The following DEDD2 variants were observed in gnomAD, a reference collection of about 807,000 sequenced individuals.
The protein encoded by DEDD2 is DNA-binding death effector domain-containing protein 2.
A neutral mutation model predicts 28.9 loss-of-function variants in DEDD2; 18 were observed. The ratio of observed to expected loss-of-function variants is 0.62; its 90% CI spans 0.43 to 0.92. The LOEUF is 0.92. DEDD2 is among the 40% of genes least tolerant of loss of function. The pLI is 0.00. For missense variants in DEDD2, 411 were observed against 463.3 expected, an observed-to-expected ratio of 0.89 and a Z score of 1.04; for synonymous variants, 211 against 206.1, an observed-to-expected ratio of 1.02 and a Z score of -0.20.
At chr19:42,205,194 T>C (rs2035482656) in intron 4 of DEDD2, among the ~76,000 whole-genome samples, 1 of 151,842 alleles carries the variant, frequency 6.6e-6, no homozygotes, top group South Asian at 2.1e-4. Flanking sequence ...TTTAGAAAAA[T>C]ACAACGCAAG....
intron 4 of DEDD2, among the ~76,000 whole-genome samples, chr19:42,200,271 G>T (rs1370842805): frequency 6.6e-6 from 1 of 152,162 alleles, no homozygotes; most frequent in Non-Finnish European, 1.5e-5. Flanking sequence ...GTTACTATCT[G>T]CTCATTATCT....
intron 3 of DEDD2, among the ~76,000 whole-genome samples, chr19:42,210,094 C>T (rs1455581183): frequency 2.0e-5 from 3 of 152,054 alleles, no homozygotes; most frequent in Non-Finnish European, 2.9e-5. Context: ...AATCCCTGCA[C>T]ACTTACACCA....
intron 4 of DEDD2, chr19:42,202,219 A>G (rs979440385): frequency 7.6e-6 from 3 of 396,386 alleles, no homozygotes; most frequent in Non-Finnish European, 8.9e-6. Flanking sequence ...AACTCCCTAC[A>G]CCCATGGCCC....
chr19:42,205,494 G>C (rs1327414052), intron 4 of DEDD2, among the ~76,000 whole-genome samples: 2 of 152,100 alleles, frequency 1.3e-5, no homozygotes, highest in African/African-American at 4.8e-5. Context: ...GGGTGTGGTA[G>C]CACATGCCTG....
chr19:42,202,398 T>C (rs1477375744), intron 4 of DEDD2, among the ~76,000 whole-genome samples: 1 of 152,132 alleles, frequency 6.6e-6, no homozygotes, highest in African/African-American at 2.4e-5. Flanking sequence ...TCCAGAACAT[T>C]TGCCAAGGCT....
rs370236323 is a variant in DEDD2, at chr19:42,216,999, T to C, written c.9A>G (p.Leu3=). Reference sequence around the variant, plus strand: ...AGCACGGGGCCGGGGTCGACCCGGATAGCGCCATTCCCGGGGGAGGGAGGC... The same window carrying C: ...AGCACGGGGCCGGGGTCGACCCGGACAGCGCCATTCCCGGGGGAGGGAGGC... MA[L]SGSTPAPCWE... is the part of the protein sequence containing the mutation. Residue 3 remains leucine, a synonymous_variant, in exon 2 of 5, where the codon CTA becomes CTG. Coordinates refer to ENST00000596251, the MANE Select transcript of DEDD2 (RefSeq NM_133328.4). 279 of 1,586,694 alleles carry C rather than the reference T, an allele frequency of 1.8e-4. No individual in the cohort carries two copies. The highest frequency in any genetic ancestry group is 3.3e-4 in the Middle Eastern group (2 of 6,056).
chr19:42,210,043 G>A (rs1001176754), intron 3 of DEDD2, among the ~76,000 whole-genome samples: 10 of 152,062 alleles, frequency 6.6e-5, no homozygotes, highest in East Asian at 1.9e-4. Flanking sequence ...ACCCCAGCAC[G>A]CTGCAGCAGG....
chr19:42,199,207 A>AG lies in DEDD2; in HGVS notation c.*230dup, dbSNP rs2035222902. On this transcript the variant is annotated 3_prime_UTR_variant, in exon 5 of 5. Transcript: ENST00000596251. The surrounding 1 kb of genome is among the most constrained non-coding windows in gnomAD (Gnocchi z 7.4). Reference sequence around the variant, plus strand: ...GCCCAGCCCCCGCCTCCGGAGGCTAAGGGGGCACACCTGGGGGTAGGAGGA... The same window carrying AG: ...GCCCAGCCCCCGCCTCCGGAGGCTAAGGGGGGCACACCTGGGGGTAGGAGGA... The AG allele has an allele frequency of 4.7e-6, 3 of 631,836 alleles. No homozygotes were observed. Among genetic ancestry groups the AG allele is most frequent in the African/African-American group, 1.8e-5 (1 of 54,578 alleles). 39.1% of individuals were successfully genotyped at this position (631,836 alleles called of 1,614,324 possible). A position where few individuals can be genotyped will look rare whatever the true frequency, so the allele number is the denominator to read the frequency against.
chr19:42,204,550 C>A (rs2035454753), intron 4 of DEDD2: 1 of 155,110 alleles, frequency 6.4e-6, no homozygotes, highest in Admixed American at 6.5e-5. Context: ...CACCCTGCTT[C>A]TTGTACAGCC....
chr19:42,210,891 G>A (rs1020509320), intron 3 of DEDD2, among the ~76,000 whole-genome samples: 1 of 151,578 alleles, frequency 6.6e-6, no homozygotes, highest in East Asian at 2.0e-4. Flanking sequence ...CAACATGGTT[G>A]AAACCCTGTC....
At chr19:42,217,190 A>AGG in intron 1 of DEDD2, 145 bp from the exon 2 acceptor site, 2 of 646,676 alleles carry the variant, frequency 3.1e-6, no homozygotes, top group Non-Finnish European at 5.3e-6. Flanking sequence ...CTCCCCCGGG[A>AGG]GGGAATGGTC....
chr19:42,217,337 G>A (rs1258194119), intron 1 of DEDD2, among the ~76,000 whole-genome samples: 2 of 151,794 alleles, frequency 1.3e-5, no homozygotes, highest in Non-Finnish European at 2.9e-5. Context: ...GGCCCACCCC[G>A]GGGCTCCCTG....
In DEDD2 at chr19:42,216,734, C is replaced by T. The variant is rs780674165; in HGVS notation, c.274G>A (p.Val92Met). 1 of 1,591,236 alleles carries T rather than the reference C, an allele frequency of 6.3e-7. No homozygotes were observed. The highest frequency in any genetic ancestry group is 8.5e-7 in the Non-Finnish European group (1 of 1,171,508). ...GGCAGCAGGTCGTGGCGGGCCAGCA[C>T]GCGCAGGAGTTGCCCCAGCAGCCGC... ...NLRLLGQLLR[V>M]LARHDLLPHL... The change falls in exon 2 of 5, where the codon GTG (valine) becomes ATG (methionine). Residue 92 changes from valine (V) to methionine (M), a missense_variant. Transcript: ENST00000596251.
intron 4 of DEDD2, among the ~76,000 whole-genome samples, chr19:42,209,366 G>GA (rs1218666078): frequency 2.0e-5 from 3 of 152,156 alleles, no homozygotes; most frequent in Admixed American, 6.5e-5. Flanking sequence ...CAGGATCGTT[G>GA]TTTTTTTACC....
At chr19:42,213,759 G>T (rs1209809431) in intron 3 of DEDD2, among the ~76,000 whole-genome samples, 3 of 152,140 alleles carry the variant, frequency 2.0e-5, no homozygotes, top group African/African-American at 7.2e-5. Flanking sequence ...AATGTTACAG[G>T]AAAAAGAAAA....
chr19:42,216,945 G>C lies in DEDD2; in HGVS notation c.63C>G (p.Tyr21Ter), dbSNP rs765872232. Residue 21 changes from tyrosine to a stop codon, truncating the protein, a stop_gained, in exon 2 of 5, where the codon TAC becomes TAG. Coordinates refer to ENST00000596251, the MANE Select transcript of DEDD2 (RefSeq NM_133328.4). LOFTEE classifies it high-confidence loss of function. ...ACATACGGTGAAGCGACAGCATCCC[G>C]TAGTAGTCCAGGCACTCATCCTCCT... is the stretch of plus-strand genomic sequence containing the variant. Reference protein sequence around the residue: ...CWEEDECLDYYGMLSLHRMFE... With the variant: ...CWEEDECLDY 1 of 1,602,630 alleles carries C rather than the reference G, an allele frequency of 6.2e-7. No individual in the cohort carries two copies. The highest frequency in any genetic ancestry group is 8.5e-7 in the Non-Finnish European group (1 of 1,175,130).
In DEDD2 at chr19:42,217,009, C is replaced by G; in HGVS notation, c.-2G>C. 7 of 1,577,716 alleles carry G rather than the reference C, an allele frequency of 4.4e-6. No individual in the cohort carries two copies. Among genetic ancestry groups the G allele is most frequent in the Non-Finnish European group, 6.0e-6 (7 of 1,162,456 alleles). ...CGGGGTCGACCCGGATAGCGCCATT[C>G]CCGGGGGAGGGAGGCGGAACAAGCT... On this transcript the variant is annotated 5_prime_UTR_variant, in exon 2 of 5. Transcript: ENST00000596251.
intron 4 of DEDD2, among the ~76,000 whole-genome samples, chr19:42,203,186 CT>C (rs1394327495): frequency 6.6e-6 from 1 of 152,210 alleles, no homozygotes; most frequent in Non-Finnish European, 1.5e-5. Context: ...TTAACTACCC[CT>C]ATCCTGTTGG....
At chr19:42,218,798 C>T (rs538307187), upstream of DEDD2, among the ~76,000 whole-genome samples, 57 of 152,346 alleles carry the variant, frequency 3.7e-4, no homozygotes, top group African/African-American at 1.3e-3. Flanking sequence ...TTTGAGAAGC[C>T]GAGGTGGGCG....
Sources: gnomAD v4.1 joint callset for allele counts (sites outside exome capture counted in the v4.1 genomes callset) on GRCh38, gnomAD v4.1.1 for gene constraint, Gnocchi (gnomAD v3.1) non-coding constraint, MANE v1.5 for transcripts, NCBI Gene and HGNC (gene_info 2026-07-23, HGNC 2026-07-21) for gene names.